Variants in KCNQ1 observed in about 807,000 individuals in gnomAD.
KCNQ1 encodes the protein potassium voltage-gated channel subfamily Q member 1.
Under a neutral mutation model 72.4 loss-of-function variants are expected in KCNQ1, and 49 were observed. The ratio of observed to expected loss-of-function variants is 0.68; its 90% CI spans 0.54 to 0.86. KCNQ1 has a LOEUF of 0.86. Ranked by LOEUF, KCNQ1 falls within the 40% of genes least tolerant of loss-of-function variation. The pLI, the probability that KCNQ1 is intolerant of heterozygous loss-of-function variation, is 0.00. For synonymous variants in KCNQ1, 450 were observed against 412.6 expected (o/e 1.09, Z -1.10); for missense variants, 790 against 945.1 (o/e 0.84, Z 2.15).
chr11:2,683,545 A>G lies in KCNQ1; in HGVS notation c.1514+21464A>G, dbSNP rs1850434710. 5 of 398,554 alleles carry G rather than the reference A, an allele frequency of 1.3e-5. No individual in the cohort carries two copies. 24.7% of individuals were successfully genotyped at this position (398,554 alleles called of 1,614,324 possible). A position where few individuals can be genotyped will look rare whatever the true frequency, so the allele number is the denominator to read the frequency against. On this transcript the variant is annotated intron_variant, in intron 11 of 15. Coordinates refer to ENST00000155840, the MANE Select transcript of KCNQ1 (RefSeq NM_000218.3). The surrounding 1 kb of genome is among the most constrained non-coding windows in gnomAD (Gnocchi z 4.7). ...GAGTAAACATTTCTAAAAAAGAGGT[A>G]GAAGCCCCTACCTACTGACTGGCAT...
chr11:2,617,893 G>A lies in KCNQ1; in HGVS notation c.1393+29039G>A. On this transcript the variant is annotated intron_variant, in intron 10 of 15. Coordinates refer to ENST00000155840, the MANE Select transcript of KCNQ1 (RefSeq NM_000218.3). The surrounding 1 kb of genome is among the most constrained non-coding windows in gnomAD (Gnocchi z 4.6). ...TTTTAATTGGGTTATCTATTTTCTT[G>A]TTATTGAGTTGTATGCATTCCTTAT... 2.5e-6 allele frequency: 1 copy of A among 398,422 alleles called. No individual in the cohort carries two copies. The allele number at this position is 398,422 out of a possible 1,614,324, so 24.7% of individuals were successfully genotyped here.
rs1481010287 is a variant in KCNQ1, at chr11:2,478,969, C to T, written c.386+33485C>T. Among the ~76,000 whole-genome samples, 4 of 152,184 alleles carry T rather than the reference C, an allele frequency of 2.6e-5. No homozygotes were observed. Among genetic ancestry groups the T allele is most frequent in the African/African-American group, 9.6e-5 (4 of 41,454 alleles). On this transcript the variant is annotated intron_variant, in intron 1 of 15. Transcript: ENST00000155840. This position sits in a 1 kb window ranked among gnomAD's most constrained non-coding sequence, Gnocchi z 4.0. Reference sequence around the variant, plus strand: ...TTGGCCAAAACGAAGGGGCTAAAGGCCCCATGCAAGTTCGAAATCCAGTGG... The same window carrying T: ...TTGGCCAAAACGAAGGGGCTAAAGGTCCCATGCAAGTTCGAAATCCAGTGG...
intron 6 of KCNQ1, among the ~76,000 whole-genome samples, chr11:2,581,566 T>C (rs2283173): frequency 0.33 from 50,004 of 152,234 alleles, 11,950 homozygotes; most frequent in African/African-American, 0.67. Flanking sequence ...TGCAGGGACC[T>C]GGCTGCGCTC....
intron 15 of KCNQ1, among the ~76,000 whole-genome samples, chr11:2,779,043 G>T (rs1273233272): frequency 6.6e-6 from 1 of 152,262 alleles, no homozygotes; most frequent in Non-Finnish European, 1.5e-5. Flanking sequence ...GCGAAGGCTG[G>T]TGTTCAGGTG....
chr11:2,558,072 C>T (rs1419017505), intron 2 of KCNQ1, among the ~76,000 whole-genome samples: 2 of 152,234 alleles, frequency 1.3e-5, no homozygotes, highest in Admixed American at 6.5e-5. Flanking sequence ...AAACAACACT[C>T]TCCTAAATAG....
chr11:2,756,671 G>A (rs908519799), intron 11 of KCNQ1, among the ~76,000 whole-genome samples: 3 of 151,968 alleles, frequency 2.0e-5, no homozygotes, highest in Non-Finnish European at 4.4e-5. Context: ...GGCTGGTCTT[G>A]AACTCCTGAG....
chr11:2,571,678 TG>T lies in KCNQ1; in HGVS notation c.683+276del, dbSNP rs558054344. Among the ~76,000 whole-genome samples, 511 of 152,256 alleles carry T rather than the reference TG, an allele frequency of 3.4e-3. 5 individuals carry two copies. The highest frequency in any genetic ancestry group is 0.012 in the African/African-American group (481 of 41,568). ...AACTTCCAGGACTTGGGTGGTAACC[TG>T]ACCATCTGGGCACACAGCCTGCCCA... On this transcript the variant is annotated intron_variant, in intron 4 of 15. Transcript: ENST00000155840.
At position 2,626,266 on chromosome 11, in the gene KCNQ1, C is replaced by T. The variant is rs1188017941; in HGVS notation, c.1394-35695C>T. On this transcript the variant is annotated intron_variant, in intron 10 of 15. Coordinates refer to ENST00000155840, the MANE Select transcript of KCNQ1 (RefSeq NM_000218.3). The surrounding 1 kb of genome is among the most constrained non-coding windows in gnomAD (Gnocchi z 4.0). ...GGTCTCAACTTCATTCTCTTTTATA[C>T]ATGGTTAGGTAAGGATCTCAACTTC... is the stretch of plus-strand genomic sequence containing the variant. 2.3e-5 allele frequency: 9 copies of T among 398,384 alleles called. No individual in the cohort carries two copies. Among genetic ancestry groups the T allele is most frequent in the Admixed American group, 1.3e-4 (3 of 22,700 alleles). 24.7% of individuals were successfully genotyped at this position (398,384 alleles called of 1,614,324 possible).
rs1365442766 is a variant in KCNQ1 at position 2,677,142 on chromosome 11, A to C, written c.1514+15061A>C. On this transcript the variant is annotated intron_variant, in intron 11 of 15. Transcript: ENST00000155840. The surrounding 1 kb of genome is among the most constrained non-coding windows in gnomAD (Gnocchi z 4.5). Reference sequence around the variant, plus strand: ...TCCCTGAAACATCCCTCCCTATTGAACACTGTTGTTTCTCCCTATCCATCT... The same window carrying C: ...TCCCTGAAACATCCCTCCCTATTGACCACTGTTGTTTCTCCCTATCCATCT... 2 of 398,406 alleles carry C rather than the reference A, an allele frequency of 5.0e-6. No individual in the cohort carries two copies. The highest frequency in any genetic ancestry group is 8.8e-6 in the Non-Finnish European group (2 of 226,042). The allele number at this position is 398,406 out of a possible 1,614,324, so 24.7% of individuals were successfully genotyped here.
Position 2,651,986 on chromosome 11 carries a change from G to T in KCNQ1, c.1394-9975G>T. The T allele has an allele frequency of 2.5e-6, 1 of 398,626 alleles. No homozygotes were observed. Among genetic ancestry groups the T allele is most frequent in the South Asian group, 1.3e-4 (1 of 7,826 alleles). 24.7% of individuals were successfully genotyped at this position (398,626 alleles called of 1,614,324 possible). On this transcript the variant is annotated intron_variant, in intron 10 of 15. Transcript: ENST00000155840. The surrounding 1 kb of genome is among the most constrained non-coding windows in gnomAD (Gnocchi z 6.1). ...GAGCCAAGCTGAGTTGATTACTTTT[G>T]ACATCAGTTGTTAACATAATTTTGA...
intron 15 of KCNQ1, among the ~76,000 whole-genome samples, chr11:2,789,806 A>G (rs1378949752): frequency 6.6e-6 from 1 of 152,124 alleles, no homozygotes; most frequent in African/African-American, 2.4e-5. Flanking sequence ...TTTTCCCCCC[A>G]GTAAAGTGAT....
Position 2,710,910 on chromosome 11 carries a change from G to C in KCNQ1, c.1514+48829G>C, listed in dbSNP as rs915594599. On this transcript the variant is annotated intron_variant, in intron 11 of 15. Transcript: ENST00000155840. The surrounding 1 kb of genome is among the most constrained non-coding windows in gnomAD (Gnocchi z 4.1). ...TAGTGAGTTTTAAAATTGGAAAGTG[G>C]GTTTTCCAACTTTGTTTTTCTTTTT... Among the ~76,000 whole-genome samples the C allele has an allele frequency of 1.3e-5, 2 of 152,068 alleles. No individual in the cohort carries two copies. Among genetic ancestry groups the C allele is most frequent in the Admixed American group, 1.3e-4 (2 of 15,266 alleles).
rs1846712582 is a variant in KCNQ1, at chr11:2,484,791, C to T, written c.386+39307C>T. 6.6e-6 allele frequency among the ~76,000 whole-genome samples: 1 copy of T among 152,228 alleles called. No homozygotes were observed. The highest frequency in any genetic ancestry group is 2.1e-4 in the South Asian group (1 of 4,830). ...GAATATGTGTATGGCACCCCCACGT[C>T]TACGCTTCTGTGTTCATCTGCAGAT... On this transcript the variant is annotated intron_variant, in intron 1 of 15. Transcript: ENST00000155840. The surrounding 1 kb of genome is among the most constrained non-coding windows in gnomAD (Gnocchi z 5.2).
At position 2,734,359 on chromosome 11, in the gene KCNQ1, G is replaced by C. The variant is rs1490159487; in HGVS notation, c.1515-34485G>C. 6.6e-6 allele frequency among the ~76,000 whole-genome samples: 1 copy of C among 152,234 alleles called. No homozygotes were observed. The highest frequency in any genetic ancestry group is 2.4e-5 in the African/African-American group (1 of 41,466). On this transcript the variant is annotated intron_variant, in intron 11 of 15. Transcript: ENST00000155840. This position sits in a 1 kb window ranked among gnomAD's most constrained non-coding sequence, Gnocchi z 7.0. ...CGGGGAGCACCAAGGGTAGAGGCAGGGGAGCAATGGATGGGTTGAATGAGG... is the reference window on the plus strand; with the variant it reads ...CGGGGAGCACCAAGGGTAGAGGCAGCGGAGCAATGGATGGGTTGAATGAGG...
chr11:2,625,440 ATAG>A (rs1849246967), intron 10 of KCNQ1: 2 of 398,456 alleles, frequency 5.0e-6, no homozygotes, highest in Non-Finnish European at 8.8e-6. Context: ...TATTTTTTTA[ATAG>A]TAGTCATCTG....
At chr11:2,643,597 T>G in intron 10 of KCNQ1, 1 of 398,516 alleles carries the variant, frequency 2.5e-6, no homozygotes, top group Non-Finnish European at 4.4e-6. Context: ...TGTTTTTAAG[T>G]CCATTCAGCC....
chr11:2,572,909 C>G lies in KCNQ1; in HGVS notation c.844C>G (p.Leu282Val), dbSNP rs979241598. The G allele has an allele frequency of 5.6e-6, 9 of 1,613,836 alleles. No individual in the cohort carries two copies. Among genetic ancestry groups the G allele is most frequent in the Non-Finnish European group, 7.6e-6 (9 of 1,180,016 alleles). The change falls in exon 6 of 16, where the codon CTG becomes GTG. Residue 282 changes from leucine (L) to valine (V), a missense_variant. Leu to Val is a conservative substitution (Grantham distance 32, BLOSUM62 1). This residue lies in a region of KCNQ1 where 133 missense variants were observed against 219.5 expected (regional missense o/e 0.61). Coordinates refer to ENST00000155840, the MANE Select transcript of KCNQ1 (RefSeq NM_000218.3). ...GLIFSSYFVY[L>V]AEKDAVNESG... Reference sequence around the variant, plus strand: ...CATCTTCTCCTCGTACTTTGTGTACCTGGCTGAGAAGGACGCGGTGAACGA... The same window carrying G: ...CATCTTCTCCTCGTACTTTGTGTACGTGGCTGAGAAGGACGCGGTGAACGA...
chr11:2,797,056 C>T (rs1847150646), intron 15 of KCNQ1, among the ~76,000 whole-genome samples: 1 of 152,228 alleles, frequency 6.6e-6, no homozygotes, highest in South Asian at 2.1e-4. Context: ...CCCCACGGGG[C>T]CACAACGGGG....
intron 11 of KCNQ1, among the ~76,000 whole-genome samples, chr11:2,760,402 T>C (rs1846373034): frequency 6.6e-6 from 1 of 152,212 alleles, no homozygotes; most frequent in Non-Finnish European, 1.5e-5. Flanking sequence ...ACTTGTTCAT[T>C]AATGAATGAA....
Sources: allele counts gnomAD v4.1 joint callset (sites outside exome capture counted in the v4.1 genomes callset), GRCh38; gene constraint gnomAD v4.1.1; regional missense constraint gnomAD v4.1.1; non-coding constraint Gnocchi (gnomAD v3.1); transcripts MANE v1.5; gene names NCBI Gene and HGNC (gene_info 2026-07-23, HGNC 2026-07-21).